Variants in ADAM20 observed in about 807,000 individuals in gnomAD.
ADAM20 encodes the protein ADAM metallopeptidase domain 20.
For missense variants in ADAM20, 871 were observed against 883.2 expected (o/e 0.99, Z 0.18); for synonymous variants, 305 against 310.2 (o/e 0.98, Z 0.18).
chr14:70,540,800 T>C, the ADAM20 span, among the ~76,000 whole-genome samples: 3 of 152,110 alleles, frequency 2.0e-5, no homozygotes, highest in Non-Finnish European at 4.4e-5. Context: ...AAAAAATAAT[T>C]TTTTTTTCTT....
At chr14:70,579,399 G>A in the ADAM20 span, among the ~76,000 whole-genome samples, 1,116 of 151,986 alleles carry the variant, frequency 7.3e-3, 19 homozygotes, top group African/African-American at 0.025. Context: ...ATGGTATCTC[G>A]TCGTGGTTTT....
the ADAM20 span, chr14:70,557,253 G>A: frequency 6.6e-6 from 1 of 152,174 alleles, no homozygotes; most frequent in Non-Finnish European, 1.5e-5. Flanking sequence ...ACGGCACTTT[G>A]TGTGGTCTAG....
the ADAM20 span, among the ~76,000 whole-genome samples, chr14:70,574,981 A>C: frequency 3.3e-5 from 5 of 152,066 alleles, no homozygotes; most frequent in Non-Finnish European, 7.4e-5. Context: ...GAAGCACCAA[A>C]AAAAGATACT....
chr14:70,523,501 C>T lies in ADAM20; in HGVS notation c.1257G>A (p.Glu419=), dbSNP rs759240385. 2.5e-6 allele frequency: 4 copies of T among 1,613,946 alleles called. No individual in the cohort carries two copies. In the South Asian group the frequency reaches 3.3e-5, roughly 13 times the overall value. ...YCGNLVVEEG[E]ECDCGTIRQC... ...GCCGTATGGTTCCACAGTCACATTCCTCCCCTTCTTCAACCACTAGATTCC... is the reference window on the plus strand; with the variant it reads ...GCCGTATGGTTCCACAGTCACATTCTTCCCCTTCTTCAACCACTAGATTCC... Residue 419 remains glutamate, a synonymous_variant, in exon 2 of 2, where the codon GAG becomes GAA. Coordinates refer to ENST00000256389, the MANE Select transcript of ADAM20 (RefSeq NM_003814.5).
At chr14:70,570,641 A>G in the ADAM20 span, among the ~76,000 whole-genome samples, 2 of 152,086 alleles carry the variant, frequency 1.3e-5, no homozygotes, top group African/African-American at 4.8e-5. Context: ...TCTACCAACC[A>G]AAAAAAGCCC....
the ADAM20 span, among the ~76,000 whole-genome samples, chr14:70,575,712 A>G: frequency 9.2e-5 from 14 of 152,244 alleles, no homozygotes; most frequent in Non-Finnish European, 1.6e-4. Context: ...CATGCTGTTC[A>G]AAGTGAGATC....
chr14:70,564,881 T>TA, the ADAM20 span, among the ~76,000 whole-genome samples: 2,293 of 149,756 alleles, frequency 0.015, 59 homozygotes, highest in African/African-American at 0.048. Flanking sequence ...ACCCCTTGTA[T>TA]AAAAAAATTT....
chr14:70,561,948 TG>T, the ADAM20 span, among the ~76,000 whole-genome samples: 1 of 152,220 alleles, frequency 6.6e-6, no homozygotes, highest in Non-Finnish European at 1.5e-5. Flanking sequence ...AATGTGGGAT[TG>T]GAGTCCCCAC....
At chr14:70,577,933 G>T in the ADAM20 span, among the ~76,000 whole-genome samples, 14 of 152,208 alleles carry the variant, frequency 9.2e-5, no homozygotes, top group African/African-American at 3.4e-4. Context: ...ACACTTAGAA[G>T]AAAACATAAG....
In ADAM20 at chr14:70,523,555, T is replaced by G; in HGVS notation, c.1203A>C (p.Pro401=). 1 of 1,614,102 alleles carries G rather than the reference T, an allele frequency of 6.2e-7. No individual in the cohort carries two copies. The highest frequency in any genetic ancestry group is 8.5e-7 in the Non-Finnish European group (1 of 1,179,968). The change falls in exon 2 of 2, where the codon CCA becomes CCC. Residue 401 remains proline (P), a synonymous_variant. Transcript: ENST00000256389. ...SGLCIQPPPY[P]GNIFRLKYCG... is the part of the protein sequence containing the mutation. ...AGTACTTCAGTCTAAATATATTCCC[T>G]GGATATGGAGGCGGTTGAATACATA... is the stretch of plus-strand genomic sequence containing the variant.
At chr14:70,555,370 C>T in the ADAM20 span, among the ~76,000 whole-genome samples, 1 of 152,116 alleles carries the variant, frequency 6.6e-6, no homozygotes, top group Non-Finnish European at 1.5e-5. Flanking sequence ...TATATCAAAT[C>T]ATCAAGTTGT....
intron 1 of ADAM20, among the ~76,000 whole-genome samples, chr14:70,525,372 C>A (rs960205415): frequency 5.3e-5 from 8 of 152,020 alleles, no homozygotes; most frequent in Non-Finnish European, 1.0e-4. Context: ...CAACAGCCAG[C>A]TAATTTTTCT....
At chr14:70,553,884 G>T in the ADAM20 span, among the ~76,000 whole-genome samples, 1 of 152,172 alleles carries the variant, frequency 6.6e-6, no homozygotes, top group Admixed American at 6.5e-5. Context: ...ACACGACAAG[G>T]ATGCCCACTG....
the ADAM20 span, among the ~76,000 whole-genome samples, chr14:70,578,756 T>G: frequency 1.3e-5 from 2 of 152,214 alleles, no homozygotes; most frequent in East Asian, 3.9e-4. Context: ...GTATATTGTG[T>G]GATGCTGAGG....
chr14:70,523,456 A>G lies in ADAM20; in HGVS notation c.1302T>C (p.Cys434=), dbSNP rs1883503368. The change falls in exon 2 of 2, where the codon TGT becomes TGC. Residue 434 remains cysteine, a synonymous_variant. Coordinates refer to ENST00000256389, the MANE Select transcript of ADAM20 (RefSeq NM_003814.5). ...GTIRQCAKDP[C]CLLNCTLHPG... is the part of the protein sequence containing the mutation. The stretch of plus-strand genomic sequence containing the variant: ...GATGTAGAGTACAGTTTAACAGACA[A>G]CAGGGATCTTTTGCACACTGCCGTA... The G allele has an allele frequency of 6.2e-7, 1 of 1,614,116 alleles. No homozygotes were observed. The highest frequency in any genetic ancestry group is 1.1e-5 in the South Asian group (1 of 91,084).
the ADAM20 span, among the ~76,000 whole-genome samples, chr14:70,552,705 TTGG>T: frequency 1.3e-4 from 1 of 7,500 alleles, no homozygotes; most frequent in African/African-American, 6.3e-4. Context: ...TTTTACACTG[TTGG>T]TGGGACTGTA....
chr14:70,530,054 G>C (rs1023578309), intron 1 of ADAM20, among the ~76,000 whole-genome samples: 1 of 152,158 alleles, frequency 6.6e-6, no homozygotes, highest in Non-Finnish European at 1.5e-5. Flanking sequence ...AGGCCAAGGC[G>C]GGTGGATCAC....
the ADAM20 span, chr14:70,556,922 T>G: frequency 1.3e-5 from 2 of 152,148 alleles, no homozygotes; most frequent in African/African-American, 4.8e-5. Context: ...TGGTCTACAG[T>G]GTCTACTCCT....
intron 1 of ADAM20, among the ~76,000 whole-genome samples, chr14:70,527,584 A>C (rs551546008): frequency 6.6e-6 from 1 of 152,298 alleles, no homozygotes; most frequent in Admixed American, 6.5e-5. Context: ...CACGCTCATC[A>C]GTGGTCTGTA....
Sources: gnomAD v4.1 joint callset for allele counts (sites outside exome capture counted in the v4.1 genomes callset) on GRCh38, gnomAD v4.1.1 for gene constraint, MANE v1.5 for transcripts, NCBI Gene and HGNC (gene_info 2026-07-23, HGNC 2026-07-21) for gene names.